FDX2: variants seen among roughly 807,000 people sequenced by gnomAD.
The protein encoded by FDX2 is ferredoxin 2, also known as ferredoxin-2, mitochondrial.
In FDX2, 13 loss-of-function variants were observed where a neutral mutation model predicts 18.5. That is an observed-to-expected ratio of 0.70 (90% CI 0.46 to 1.12). The LOEUF (loss-of-function observed/expected upper bound fraction) is 1.12, where lower values mean the gene tolerates loss of function less well. FDX2 is among the 50% of genes most tolerant of loss of function. The pLI, the probability that FDX2 is intolerant of heterozygous loss-of-function variation, is 0.00. For missense variants in FDX2, 238 were observed against 250.4 expected, an observed-to-expected ratio of 0.95 and a Z score of 0.34; for synonymous variants, 132 against 106.2, an observed-to-expected ratio of 1.24 and a Z score of -1.49.
At chr19:10,312,163 C>A (rs2040331131) in intron 3 of FDX2, among the ~76,000 whole-genome samples, 1 of 149,214 alleles carries the variant, frequency 6.7e-6, no homozygotes, top group Admixed American at 6.8e-5. Flanking sequence ...AGCCACCGCA[C>A]CTGGCCATAT....
chr19:10,313,918 T>G (rs2040350939), intron 3 of FDX2, among the ~76,000 whole-genome samples: 1 of 150,988 alleles, frequency 6.6e-6, no homozygotes, highest in Non-Finnish European at 1.5e-5. Context: ...TCTCCTGACC[T>G]CGTGATCCGC....
Position 10,315,474 on chromosome 19 carries a change from T to C in FDX2, c.228A>G (p.Val76=), listed in dbSNP as rs1208522789. 1.2e-6 allele frequency: 2 copies of C among 1,613,876 alleles called. No homozygotes were observed. Among genetic ancestry groups the C allele is most frequent in the South Asian group, 1.1e-5 (1 of 91,060 alleles). ...CTGGGATCCGCTGGCCTGAGCGGTC[T>C]ACGAACACCACGTTCACCCTGGGGA... The change falls in exon 3 of 5, where the codon GTA becomes GTG. Residue 76 remains valine, a synonymous_variant. Transcript: ENST00000393708.
At chr19:10,311,061 C>T (rs927791498) in intron 3 of FDX2, 121 bp from the exon 4 acceptor site, 4 of 654,276 alleles carry the variant, frequency 6.1e-6, no homozygotes, top group Non-Finnish European at 1.1e-5. Context: ...CCTCCTGGGC[C>T]TGCAGCTCCA....
At chr19:10,315,044 T>C (rs1254034596) in intron 3 of FDX2, among the ~76,000 whole-genome samples, 1 of 152,048 alleles carries the variant, frequency 6.6e-6, no homozygotes, top group Non-Finnish European at 1.5e-5. Context: ...GAGGTTGCAG[T>C]GAGCTGAGGT....
At chr19:10,315,089 G>C (rs180732499) in intron 3 of FDX2, among the ~76,000 whole-genome samples, 2 of 152,064 alleles carry the variant, frequency 1.3e-5, no homozygotes, top group Non-Finnish European at 2.9e-5. Flanking sequence ...TGGGCAACAA[G>C]AGTGAAACTC....
chr19:10,315,578 G>A (rs1353484493), intron 2 of FDX2, 86 bp from the exon 3 acceptor site: 4 of 1,536,450 alleles, frequency 2.6e-6, no homozygotes, highest in Non-Finnish European at 3.6e-6. Flanking sequence ...TAGGAATTGA[G>A]GCTTGACGCA....
chr19:10,310,409 G>GCTATT lies in FDX2; in HGVS notation c.*76_*77insAATAG. ...CTCTCCCGGGCCTGTCCGCACTCTG[G>GCTATT]GCAGGGCTGGCACCTGGCTATTCCC... On this transcript the variant is annotated 3_prime_UTR_variant, in exon 5 of 5. Transcript: ENST00000393708. 6.3e-7 allele frequency: 1 copy of GCTATT among 1,595,060 alleles called. No individual in the cohort carries two copies.
chr19:10,315,337 T>TTTGACAAATGTA, intron 3 of FDX2, 49 bp downstream of exon 3: 1 of 1,064,558 alleles, frequency 9.4e-7, no homozygotes, highest in Non-Finnish European at 1.3e-6. Context: ...TTTTTTTTTT[T>TTTGACAAATGTA]TGGACAAATG....
rs766171452 is a variant in FDX2 at position 10,315,427 on chromosome 19, T to C, written c.275A>G (p.Asn92Ser). ...GTGGCGCTGGGCCAGGTGAAGAACA[T>C]TGTCCCCGACTCTGCCACTCACTGG... The change falls in exon 3 of 5, where the codon AAT (asparagine) becomes AGT (serine). Residue 92 changes from asparagine to serine, a missense_variant. Transcript: ENST00000393708. 2 of 1,608,698 alleles carry C rather than the reference T, an allele frequency of 1.2e-6. No individual in the cohort carries two copies. The highest frequency in any genetic ancestry group is 3.4e-5 in the Admixed American group (2 of 59,534).
Position 10,311,396 on chromosome 19 carries a change from A to ATT in FDX2, c.317-458_317-457dup, listed in dbSNP as rs34974235. Reference sequence around the variant, plus strand: ...GTGGGGGAAGGAATCAGGCATTAGGATTTTGTTTTTTTTTTTTTTGAGATG... The same window carrying ATT: ...GTGGGGGAAGGAATCAGGCATTAGGATTTTTTGTTTTTTTTTTTTTTGAGATG... On this transcript the variant is annotated intron_variant, in intron 3 of 4. Coordinates refer to ENST00000393708, the MANE Select transcript of FDX2 (RefSeq NM_001031734.4). 7.2e-4 allele frequency among the ~76,000 whole-genome samples: 104 copies of ATT among 143,482 alleles called. 3 individuals are homozygous for ATT. In the South Asian group the frequency reaches 0.012, roughly 17 times the overall value. 94.1% of individuals were successfully genotyped at this position (143,482 alleles called of 152,430 possible).
intron 3 of FDX2, among the ~76,000 whole-genome samples, chr19:10,312,052 T>C (rs1599291718): frequency 6.6e-6 from 1 of 151,600 alleles, no homozygotes; most frequent in South Asian, 2.1e-4. Flanking sequence ...GTATTTTTAG[T>C]AGAGATGGGG....
intron 2 of FDX2, 100 bp from the exon 3 acceptor site, chr19:10,315,592 G>T: frequency 6.6e-7 from 1 of 1,516,912 alleles, no homozygotes; most frequent in Non-Finnish European, 9.0e-7. Flanking sequence ...TGACGCACAG[G>T]TACTGAATAG....
chr19:10,313,878 G>C (rs1322628857), intron 3 of FDX2, among the ~76,000 whole-genome samples: 1 of 149,670 alleles, frequency 6.7e-6, no homozygotes, highest in Non-Finnish European at 1.5e-5. Context: ...TAGAGACGGG[G>C]TTTCACCATT....
At chr19:10,313,423 T>G (rs2040343295) in intron 3 of FDX2, among the ~76,000 whole-genome samples, 1 of 151,952 alleles carries the variant, frequency 6.6e-6, no homozygotes, top group Non-Finnish European at 1.5e-5. Context: ...GAGGCCTTAT[T>G]TGTTTTGTAT....
rs149425560 is a variant in FDX2, at chr19:10,315,976, C to G, written c.30G>C (p.Arg10=). The change falls in exon 1 of 5, where the codon CGG becomes CGC. Residue 10 remains arginine, a synonymous_variant. Coordinates refer to ENST00000393708, the MANE Select transcript of FDX2 (RefSeq NM_001031734.4). ...GTAGAACCCTGGCACTCACGCCTCC[C>G]CGGGCCATGGAGGCGGCCATGACAT... The G allele has an allele frequency of 4.8e-5, 77 of 1,609,042 alleles. 1 individual carries two copies. The highest frequency in any genetic ancestry group is 6.4e-5 in the Non-Finnish European group (75 of 1,178,836).
chr19:10,315,337 T>TTTTTTGGAAAAA, intron 3 of FDX2, 49 bp downstream of exon 3: 1 of 1,064,558 alleles, frequency 9.4e-7, no homozygotes, highest in Non-Finnish European at 1.3e-6. Flanking sequence ...TTTTTTTTTT[T>TTTTTTGGAAAAA]TGGACAAATG....
Position 10,310,840 on chromosome 19 carries a change from C to T in FDX2, c.404+13G>A. 1.2e-6 allele frequency: 2 copies of T among 1,612,600 alleles called. No individual in the cohort carries two copies. Among genetic ancestry groups the T allele is most frequent in the Middle Eastern group, 1.7e-4 (1 of 6,054 alleles). Reference sequence around the variant, plus strand: ...GGGTGAAGCTGCCAGCTAGACAGGGCTGACCCACTCACCTCTCCTCGGGAG... The same window carrying T: ...GGGTGAAGCTGCCAGCTAGACAGGGTTGACCCACTCACCTCTCCTCGGGAG... On this transcript the variant is annotated intron_variant, in intron 4 of 4. Transcript: ENST00000393708.
At chr19:10,313,671 ATTTTTTTTTTTTTTTTTT>A (rs1198833749) in intron 3 of FDX2, among the ~76,000 whole-genome samples, 2 of 45,412 alleles carry the variant, frequency 4.4e-5, no homozygotes, top group Non-Finnish European at 7.0e-5. Flanking sequence ...ATATATATAT[ATTTTTTTTTTTTTTTTTT>A]TTTTTTTTTT....
intron 3 of FDX2, among the ~76,000 whole-genome samples, chr19:10,311,359 GCAGT>G (rs1339452971): frequency 3.3e-5 from 5 of 151,956 alleles, no homozygotes; most frequent in Non-Finnish European, 7.4e-5. Context: ...GGCTGACTCA[GCAGT>G]CAGTGTGGTG....
Sources: gnomAD v4.1 joint callset for allele counts (sites outside exome capture counted in the v4.1 genomes callset) on GRCh38, gnomAD v4.1.1 for gene constraint, MANE v1.5 for transcripts, NCBI Gene and HGNC (gene_info 2026-07-23, HGNC 2026-07-21) for gene names.